Variants in CHRNB4 observed in about 807,000 individuals in gnomAD.
CHRNB4 encodes the protein cholinergic receptor nicotinic beta 4 subunit.
CHRNB4 carries 23 observed loss-of-function variants against 40.4 expected under a neutral mutation model. That is an observed-to-expected ratio of 0.57 (90% CI 0.41 to 0.81). The LOEUF (loss-of-function observed/expected upper bound fraction) is 0.81. CHRNB4 is among the 30% of genes least tolerant of loss of function. CHRNB4 has a pLI of 0.00. For synonymous variants in CHRNB4, 285 were observed against 274.4 expected (o/e 1.04, Z -0.38); for missense variants, 568 against 670.6 (o/e 0.85, Z 1.69).
chr15:78,625,241 C>T lies in CHRNB4; in HGVS notation c.1389G>A (p.Leu463=). The stretch of plus-strand genomic sequence containing the variant: ...GGACGCACACAAACATGAACACCCA[C>T]AGGAACAGCCGGTCCACCACCATAG... The part of the protein sequence containing the change: ...YVAMVVDRLF[L]WVFMFVCVLG... Residue 463 remains leucine, a synonymous_variant, in exon 6 of 6, where the codon CTG becomes CTA. Transcript: ENST00000261751. 1 of 1,573,860 alleles carries T rather than the reference C, an allele frequency of 6.4e-7. No individual in the cohort carries two copies. Among genetic ancestry groups the T allele is most frequent in the East Asian group, 2.2e-5 (1 of 44,474 alleles).
intron 5 of CHRNB4, chr15:78,626,607 G>A (rs774592627): frequency 2.6e-5 from 4 of 152,246 alleles, no homozygotes; most frequent in Non-Finnish European, 5.9e-5. Context: ...GAAAGTTTAA[G>A]GATGACAGGC....
chr15:78,629,405 C>T lies in CHRNB4; in HGVS notation c.900G>A (p.Met300Ile). ...AGAAGGTGACCAGCACCATGGTGAA[C>T]ATGAGGTACTTGCCGATGAGAGGCA... ...LDVPLIGKYLMFTMVLVTFSI... is the reference protein window; with the variant it reads ...LDVPLIGKYLIFTMVLVTFSI... The change falls in exon 5 of 6, where the codon ATG (methionine) becomes ATA (isoleucine). Residue 300 changes from methionine to isoleucine, a missense_variant. Met to Ile is a conservative substitution (Grantham distance 10). Coordinates refer to ENST00000261751, the MANE Select transcript of CHRNB4 (RefSeq NM_000750.5). The surrounding 1 kb of genome is among the most constrained non-coding windows in gnomAD (Gnocchi z 6.8). The T allele has an allele frequency of 6.2e-7, 1 of 1,614,106 alleles. No individual in the cohort carries two copies. The highest frequency in any genetic ancestry group is 8.5e-7 in the Non-Finnish European group (1 of 1,180,008).
Position 78,625,499 on chromosome 15 carries a change from T to TC in CHRNB4, c.1339-209dup, listed in dbSNP as rs545484239. Among the ~76,000 whole-genome samples the TC allele has an allele frequency of 3.4e-3, 514 of 152,108 alleles. 5 individuals carry two copies. The highest frequency in any genetic ancestry group is 0.011 in the African/African-American group (471 of 41,490). ...TGTTCTCCACCTCCACCCCTGCCTG[T>TC]CCCCCACAGCGTTGGAGGGGCACTG... is the stretch of plus-strand genomic sequence containing the variant. On this transcript the variant is annotated intron_variant, in intron 5 of 5. Transcript: ENST00000261751.
upstream of CHRNB4, chr15:78,661,033 C>T (rs972254215): frequency 2.5e-4 from 142 of 564,170 alleles, no homozygotes; most frequent in Admixed American, 2.2e-4. Context: ...AGAGGGTAGG[C>T]GCCAGGGTTA....
intron 6 of CHRNB4, among the ~76,000 whole-genome samples, chr15:78,652,029 C>T: frequency 6.6e-6 from 1 of 152,184 alleles, no homozygotes; most frequent in Admixed American, 6.5e-5. Context: ...AAGCTACTGC[C>T]CCATCTTCCA....
At chr15:78,635,956 G>A (rs1319009943) in intron 1 of CHRNB4, among the ~76,000 whole-genome samples, 1 of 152,074 alleles carries the variant, frequency 6.6e-6, no homozygotes, top group Non-Finnish European at 1.5e-5. Context: ...TGCCCAGGCT[G>A]GAGTGCGGTG....
chr15:78,661,206 G>A, upstream of CHRNB4: 1 of 610,846 alleles, frequency 1.6e-6, no homozygotes, highest in Non-Finnish European at 3.2e-6. Context: ...GAATGGTGCT[G>A]CTGCCCTTGG....
intron 5 of CHRNB4, among the ~76,000 whole-genome samples, chr15:78,653,234 C>T (rs1386480689): frequency 1.3e-5 from 2 of 152,148 alleles, no homozygotes; most frequent in Non-Finnish European, 2.9e-5. Flanking sequence ...TGTGTACTTC[C>T]ATCTGAAAGT....
In CHRNB4 at chr15:78,624,831, A is replaced by G; in HGVS notation, c.*302T>C. ...GGCAGGCCGGCACCATGCCTGAAGC[A>G]TAGTAGGTGCTGCTACGAAGTCATC... On this transcript the variant is annotated 3_prime_UTR_variant, in exon 6 of 6. Coordinates refer to ENST00000261751, the MANE Select transcript of CHRNB4 (RefSeq NM_000750.5). 1 of 796,918 alleles carries G rather than the reference A, an allele frequency of 1.3e-6. No homozygotes were observed. 49.4% of individuals were successfully genotyped at this position (796,918 alleles called of 1,614,324 possible).
chr15:78,661,138 C>A, upstream of CHRNB4: 1 of 622,344 alleles, frequency 1.6e-6, no homozygotes. Context: ...GTGCGGCGTT[C>A]CTGGGGCCTT....
chr15:78,624,908 T>C lies in CHRNB4; in HGVS notation c.*225A>G. ...AGGAAGACAGGCCAGAATTGAACTGTCTGAAGCTCCCTCCTACTGGGGCTT... is the reference window on the plus strand; with the variant it reads ...AGGAAGACAGGCCAGAATTGAACTGCCTGAAGCTCCCTCCTACTGGGGCTT... On this transcript the variant is annotated 3_prime_UTR_variant, in exon 6 of 6. Transcript: ENST00000261751. The C allele has an allele frequency of 6.9e-7, 1 of 1,448,070 alleles. No individual in the cohort carries two copies. Among genetic ancestry groups the C allele is most frequent in the South Asian group, 1.4e-5 (1 of 73,004 alleles). The allele number at this position is 1,448,070 out of a possible 1,614,324, so 89.7% of individuals were successfully genotyped here.
intron 5 of CHRNB4, among the ~76,000 whole-genome samples, chr15:78,654,382 C>T (rs1423739540): frequency 6.6e-6 from 1 of 152,210 alleles, no homozygotes; most frequent in Non-Finnish European, 1.5e-5. Flanking sequence ...CCGCAAAGAA[C>T]ATGCATTCAG....
intron 4 of CHRNB4, 110 bp downstream of exon 4, chr15:78,630,966 G>T: frequency 1.2e-6 from 1 of 820,708 alleles, no homozygotes. Flanking sequence ...GGAAGGCTGG[G>T]TAAAGCAGAG....
At chr15:78,636,759 C>T (rs1378025792) in intron 1 of CHRNB4, among the ~76,000 whole-genome samples, 1 of 152,062 alleles carries the variant, frequency 6.6e-6, no homozygotes, top group South Asian at 2.1e-4. Flanking sequence ...TGTCTCACTT[C>T]TTTGAACAGA....
intron 7 of CHRNB4, among the ~76,000 whole-genome samples, chr15:78,647,501 A>G (rs1451510683): frequency 6.6e-6 from 1 of 151,890 alleles, no homozygotes; most frequent in Middle Eastern, 3.2e-3. Flanking sequence ...AGAAGTGATA[A>G]TGAGATACTA....
chr15:78,628,946 AG>A lies in CHRNB4; in HGVS notation c.1338+20del. The A allele has an allele frequency of 6.3e-7, 1 of 1,594,398 alleles. No homozygotes were observed. On this transcript the variant is annotated intron_variant, in intron 5 of 5. Coordinates refer to ENST00000261751, the MANE Select transcript of CHRNB4 (RefSeq NM_000750.5). ...AGCCCTTTCTGTTGGGCAGGTGGGC[AG>A]GGGCTGGTTAGCAACTTACACTCTG...
At position 78,628,869 on chromosome 15, in the gene CHRNB4, C is replaced by T. The variant is rs1220490997; in HGVS notation, c.1338+98G>A. 4.8e-6 allele frequency: 7 copies of T among 1,450,320 alleles called. No homozygotes were observed. In the South Asian group the frequency reaches 5.6e-5, roughly 12 times the overall value. The allele number at this position is 1,450,320 out of a possible 1,614,324, so 89.8% of individuals were successfully genotyped here. On this transcript the variant is annotated intron_variant, in intron 5 of 5. Coordinates refer to ENST00000261751, the MANE Select transcript of CHRNB4 (RefSeq NM_000750.5). ...ATTCCTTATTCAGAGTTTGAGAGTC[C>T]TTGTCTCCTATGAATTAACTGCAGG...
chr15:78,628,850 T>TA, intron 5 of CHRNB4, 117 bp downstream of exon 5: 2 of 1,314,452 alleles, frequency 1.5e-6, no homozygotes, highest in Non-Finnish European at 2.1e-6. Context: ...TTGGATTCCT[T>TA]ATTCAGAGTT....
At chr15:78,661,342 C>T, upstream of CHRNB4, 1 of 564,478 alleles carries the variant, frequency 1.8e-6, no homozygotes, top group Non-Finnish European at 3.4e-6. Context: ...CCTGAACCCG[C>T]ACATCATCCA....
Sources: allele counts gnomAD v4.1 joint callset (sites outside exome capture counted in the v4.1 genomes callset), GRCh38; gene constraint gnomAD v4.1.1; non-coding constraint Gnocchi (gnomAD v3.1); transcripts MANE v1.5; gene names NCBI Gene and HGNC (gene_info 2026-07-23, HGNC 2026-07-21).